LIPA: variants seen among roughly 807,000 people sequenced by gnomAD.
LIPA encodes lipase A, lysosomal acid type, also known as lysosomal acid lipase/cholesteryl ester hydrolase.
A neutral mutation model predicts 40.6 loss-of-function variants in LIPA; 26 were observed. The ratio of observed to expected loss-of-function variants is 0.64; its 90% confidence interval spans 0.47 to 0.89. The LOEUF is 0.89. Ranked by LOEUF, LIPA falls within the 40% of genes least tolerant of loss-of-function variation. The pLI, the probability that LIPA is intolerant of heterozygous loss-of-function variation, is 0.00. For missense variants in LIPA, 455 were observed against 479.6 expected (o/e 0.95, Z 0.48); for synonymous variants, 188 against 168.4 (o/e 1.12, Z -0.90).
In LIPA at chr10:89,403,642, C is replaced by T. The variant is rs1338999249; in HGVS notation, c.61+9149G>A. 17 of 1,613,776 alleles carry T rather than the reference C, an allele frequency of 1.1e-5. No homozygotes were observed. The highest frequency in any genetic ancestry group is 1.4e-5 in the Non-Finnish European group (16 of 1,179,930). On this transcript the variant is annotated intron_variant, in intron 2 of 8. Coordinates refer to the LIPA transcript ENST00000371837. ...AAATTGGAAGGAAATATGAATGAAGCCCTGGAGTACTATGAGCGGGCCCTG... is the reference window on the plus strand; with the variant it reads ...AAATTGGAAGGAAATATGAATGAAGTCCTGGAGTACTATGAGCGGGCCCTG...
At chr10:89,317,036 T>C (rs1237728286) in intron 1 of LIPA, among the ~76,000 whole-genome samples, 1 of 152,090 alleles carries the variant, frequency 6.6e-6, no homozygotes, top group Non-Finnish European at 1.5e-5. Context: ...AGAAAGGACA[T>C]CCACACCAAA....
intron 1 of LIPA, among the ~76,000 whole-genome samples, chr10:89,249,077 C>G (rs1448354940): frequency 6.6e-6 from 1 of 152,204 alleles, no homozygotes; most frequent in East Asian, 1.9e-4. Flanking sequence ...GCTCTTCCTC[C>G]TACTTATCTA....
At chr10:89,401,105 C>A (rs919669294) in intron 2 of LIPA, among the ~76,000 whole-genome samples, 2 of 150,720 alleles carry the variant, frequency 1.3e-5, no homozygotes, top group African/African-American at 4.9e-5. Context: ...ATATGAAAGT[C>A]TCCATTTAGA....
At chr10:89,230,543 C>T (rs368788232) in intron 3 of LIPA, among the ~76,000 whole-genome samples, 80 of 152,100 alleles carry the variant, frequency 5.3e-4, no homozygotes, top group African/African-American at 1.7e-3. Context: ...TGGACTCAAG[C>T]GATCCACCCA....
chr10:89,344,269 T>TGACA (rs1843897513), upstream of LIPA, among the ~76,000 whole-genome samples: 1 of 152,198 alleles, frequency 6.6e-6, no homozygotes, highest in East Asian at 1.9e-4. Flanking sequence ...AGTCCAGAAA[T>TGACA]GACAGGAAAG....
intron 1 of LIPA, chr10:89,307,363 G>T: frequency 6.3e-7 from 1 of 1,599,030 alleles, no homozygotes; most frequent in South Asian, 1.1e-5. Context: ...CATCAAGCTG[G>T]AATGGGGAAT....
chr10:89,284,946 C>T (rs117002385), intron 1 of LIPA: 7,555 of 152,312 alleles, frequency 0.05, 249 homozygotes, highest in Admixed American at 0.1. Flanking sequence ...AGAGAACATC[C>T]GCCTTTGACT....
chr10:89,309,534 C>T (rs987747995), intron 1 of LIPA, among the ~76,000 whole-genome samples: 1 of 152,096 alleles, frequency 6.6e-6, no homozygotes, highest in Non-Finnish European at 1.5e-5. Context: ...GAACACCACA[C>T]GTATTCTGAG....
At chr10:89,265,014 G>A (rs1175559201) in intron 1 of LIPA, among the ~76,000 whole-genome samples, 1 of 152,198 alleles carries the variant, frequency 6.6e-6, no homozygotes, top group Non-Finnish European at 1.5e-5. Flanking sequence ...GGCCCCCAAA[G>A]TCTGGAGGAG....
chr10:89,389,054 A>G (rs1844228052), intron 2 of LIPA, among the ~76,000 whole-genome samples: 1 of 152,248 alleles, frequency 6.6e-6, no homozygotes, highest in South Asian at 2.1e-4. Flanking sequence ...CAGTGGTCAG[A>G]ACACTGAGAA....
chr10:89,386,659 T>A (rs913431939), intron 2 of LIPA, among the ~76,000 whole-genome samples: 3 of 152,206 alleles, frequency 2.0e-5, no homozygotes, highest in Non-Finnish European at 4.4e-5. Context: ...AGCTTTTGGT[T>A]TGGCTCAGTT....
intron 1 of LIPA, among the ~76,000 whole-genome samples, chr10:89,250,098 C>CTTTCTT (rs1564767178): frequency 2.9e-4 from 30 of 101,702 alleles, no homozygotes; most frequent in South Asian, 1.2e-3. Context: ...TTTTTCTTTT[C>CTTTCTT]TTTTCTTTCT....
chr10:89,279,590 A>G (rs1169540152), intron 1 of LIPA, among the ~76,000 whole-genome samples: 1 of 152,246 alleles, frequency 6.6e-6, no homozygotes, highest in East Asian at 1.9e-4. Flanking sequence ...GAGCCAAACC[A>G]CAAGGGATGA....
chr10:89,301,596 A>G (rs7917517), intron 1 of LIPA, among the ~76,000 whole-genome samples: 115 of 152,366 alleles, frequency 7.5e-4, no homozygotes, highest in African/African-American at 2.6e-3. Flanking sequence ...TAAGTTTACC[A>G]GCCCTTGTGC....
At chr10:89,309,727 T>A (rs1056953427) in intron 1 of LIPA, among the ~76,000 whole-genome samples, 7 of 152,188 alleles carry the variant, frequency 4.6e-5, no homozygotes, top group African/African-American at 1.4e-4. Context: ...ATATTACACT[T>A]AATATGAGGG....
chr10:89,228,602 G>A (rs1199034953), intron 3 of LIPA, among the ~76,000 whole-genome samples: 1 of 152,176 alleles, frequency 6.6e-6, no homozygotes, highest in Non-Finnish European at 1.5e-5. Context: ...AGTGAAACTG[G>A]ACCATTTTTT....
upstream of LIPA, among the ~76,000 whole-genome samples, chr10:89,255,517 T>A (rs1288176202): frequency 2.0e-5 from 3 of 152,106 alleles, no homozygotes; most frequent in African/African-American, 7.2e-5. Flanking sequence ...CCAAACCATA[T>A]CAGAAGGCTA....
chr10:89,307,475 G>A (rs2133523120), intron 1 of LIPA: 1 of 964,994 alleles, frequency 1.0e-6, no homozygotes, highest in Admixed American at 2.4e-5. Flanking sequence ...TATGGCAAAA[G>A]ATTGGACTAA....
chr10:89,362,703 C>T (rs1198507236), intron 2 of LIPA: 25 of 686,270 alleles, frequency 3.6e-5, no homozygotes, highest in Non-Finnish European at 5.3e-5. Context: ...AAATGCTTCC[C>T]GCTATAGAAT....
Sources: gnomAD v4.1 joint callset for allele counts (sites outside exome capture counted in the v4.1 genomes callset) on GRCh38, gnomAD v4.1.1 for gene constraint, MANE v1.5 for transcripts, NCBI Gene and HGNC (gene_info 2026-07-23, HGNC 2026-07-21) for gene names.